ERBIN: variants seen among roughly 807,000 people sequenced by gnomAD.
ERBIN encodes erbb2 interacting protein, also known as densin-180-like protein.
In ERBIN, 60 loss-of-function variants were observed where a neutral mutation model predicts 158.4. That is an observed-to-expected ratio of 0.38 (90% CI 0.31 to 0.47). ERBIN has a LOEUF of 0.47. ERBIN is among the 20% of genes least tolerant of loss of function. ERBIN has a pLI of 0.99. For synonymous variants in ERBIN, 594 were observed against 557.2 expected, an observed-to-expected ratio of 1.07 and a Z score of -0.93; for missense variants, 1,610 against 1,648.0, an observed-to-expected ratio of 0.98 and a Z score of 0.40.
At chr5:66,017,491 C>T (rs1245140648) in intron 7 of ERBIN, among the ~76,000 whole-genome samples, 9 of 148,826 alleles carry the variant, frequency 6.0e-5, no homozygotes, top group Admixed American at 6.0e-4. Flanking sequence ...AATGTCTATT[C>T]AGATCTCTGG....
intron 1 of ERBIN, among the ~76,000 whole-genome samples, chr5:65,941,630 A>G (rs1745056945): frequency 6.6e-6 from 1 of 152,206 alleles, no homozygotes; most frequent in African/African-American, 2.4e-5. Flanking sequence ...TGTAATTTAC[A>G]TGTATGATAA....
At chr5:65,939,864 G>C (rs547680966) in intron 1 of ERBIN, among the ~76,000 whole-genome samples, 1,663 of 151,752 alleles carry the variant, frequency 0.011, 10 homozygotes, top group African/African-American at 0.037. Flanking sequence ...TGGTGCCCAG[G>C]CTGGAGTGCA....
chr5:65,979,230 C>T (rs1042779557), intron 1 of ERBIN, among the ~76,000 whole-genome samples: 2 of 152,064 alleles, frequency 1.3e-5, no homozygotes, highest in African/African-American at 4.8e-5. Flanking sequence ...AGTTCAAGAC[C>T]AGCCTGGGCA....
At chr5:65,963,345 C>T (rs1342521969) in intron 1 of ERBIN, among the ~76,000 whole-genome samples, 5 of 152,168 alleles carry the variant, frequency 3.3e-5, no homozygotes, top group Non-Finnish European at 5.9e-5. Flanking sequence ...CTCAAGTTAT[C>T]ACTCTGTCAA....
intron 1 of ERBIN, among the ~76,000 whole-genome samples, chr5:65,969,279 T>G (rs539337564): frequency 6.6e-6 from 1 of 152,330 alleles, no homozygotes; most frequent in African/African-American, 2.4e-5. Flanking sequence ...CAAGTTACTC[T>G]TATGTATCTT....
intron 4 of ERBIN, among the ~76,000 whole-genome samples, chr5:66,002,715 G>A (rs1753127263): frequency 6.6e-6 from 1 of 152,114 alleles, no homozygotes; most frequent in African/African-American, 2.4e-5. Flanking sequence ...TGATGACTGG[G>A]GACAAACTAG....
intron 1 of ERBIN, among the ~76,000 whole-genome samples, chr5:65,927,249 C>G (rs1268953023): frequency 6.6e-6 from 1 of 152,196 alleles, no homozygotes; most frequent in African/African-American, 2.4e-5. Context: ...TATACTCATA[C>G]CGATTATATT....
intron 4 of ERBIN, among the ~76,000 whole-genome samples, chr5:66,005,038 G>A (rs1378893657): frequency 1.3e-5 from 2 of 152,220 alleles, no homozygotes; most frequent in Admixed American, 1.3e-4. Context: ...GTTTTGAATA[G>A]ATAATTCAGA....
chr5:66,033,208 A>G (rs1757062618), intron 14 of ERBIN, among the ~76,000 whole-genome samples: 1 of 152,176 alleles, frequency 6.6e-6, no homozygotes, highest in Admixed American at 6.5e-5. Flanking sequence ...AAATATATTC[A>G]CTTTATTTTA....
intron 4 of ERBIN, among the ~76,000 whole-genome samples, chr5:65,998,894 CAAAAA>C (rs34966696): frequency 5.7e-5 from 4 of 69,902 alleles, no homozygotes; most frequent in African/African-American, 2.0e-4. Flanking sequence ...GACCCTGTCT[CAAAAA>C]AAAAAAAAAA....
At chr5:66,010,948 T>A (rs898183169) in intron 4 of ERBIN, among the ~76,000 whole-genome samples, 9 of 152,206 alleles carry the variant, frequency 5.9e-5, no homozygotes, top group Non-Finnish European at 2.9e-5. Flanking sequence ...TGCAGTTTGA[T>A]GTTATTCCAG....
At chr5:66,069,568 A>G (rs1012167698) in intron 21 of ERBIN, among the ~76,000 whole-genome samples, 1 of 152,216 alleles carries the variant, frequency 6.6e-6, no homozygotes, top group African/African-American at 2.4e-5. Flanking sequence ...TTTCCTTAGT[A>G]GTGAAGAAGA....
chr5:65,964,908 T>TGTGTGTGTGTGTG (rs1748367664), intron 1 of ERBIN, among the ~76,000 whole-genome samples: 1 of 107,260 alleles, frequency 9.3e-6, no homozygotes, highest in Admixed American at 1.1e-4. Flanking sequence ...CCTGGCTGAT[T>TGTGTGTGTGTGTG]TGTGTGTGTG....
At chr5:66,032,172 T>C (rs1262100912) in intron 14 of ERBIN, among the ~76,000 whole-genome samples, 7 of 151,492 alleles carry the variant, frequency 4.6e-5, no homozygotes, top group African/African-American at 7.4e-5. Context: ...AAAACGAGGC[T>C]ACTAAGGCAG....
chr5:66,037,193 A>G lies in ERBIN; in HGVS notation c.1207-1190A>G, dbSNP rs116361161. ...TATGGAAATGTCATATGTGTTTTGT[A>G]TATGTTGAATTACTCGTGACTTTGG... is the stretch of plus-strand genomic sequence containing the variant. On this transcript the variant is annotated intron_variant, in intron 14 of 25. Coordinates refer to ENST00000284037, the MANE Select transcript of ERBIN (RefSeq NM_001253697.2). 5.0e-3 allele frequency among the ~76,000 whole-genome samples: 754 copies of G among 152,202 alleles called. 2 individuals are homozygous for G. Among genetic ancestry groups the G allele is most frequent in the Non-Finnish European group, 8.4e-3 (570 of 68,006 alleles).
chr5:66,004,891 CAG>C (rs1753419057), intron 4 of ERBIN, among the ~76,000 whole-genome samples: 1 of 152,088 alleles, frequency 6.6e-6, no homozygotes, highest in African/African-American at 2.4e-5. Context: ...GTAACTAAAA[CAG>C]TGTGAGCAAG....
chr5:66,065,843 C>CT (rs1394081088), intron 21 of ERBIN, among the ~76,000 whole-genome samples: 1 of 152,088 alleles, frequency 6.6e-6, no homozygotes, highest in Non-Finnish European at 1.5e-5. Flanking sequence ...GGTGAAGCCA[C>CT]TGTTACTTCC....
intron 21 of ERBIN, among the ~76,000 whole-genome samples, chr5:66,065,641 GTGTGTGTGTGTGTGTGTGTT>G (rs1760909046): frequency 2.1e-5 from 2 of 94,910 alleles, no homozygotes; most frequent in African/African-American, 1.1e-4. Flanking sequence ...GTGTGTGTGT[GTGTGTGTGTGTGTGTGTGTT>G]TTGCTTTGTA....
Position 66,046,543 on chromosome 5 carries a change from G to A in ERBIN, c.1788+5G>A. 6.4e-7 allele frequency: 1 copy of A among 1,556,138 alleles called. No homozygotes were observed. Among genetic ancestry groups the A allele is most frequent in the Non-Finnish European group, 8.7e-7 (1 of 1,150,986 alleles). ...AACCATGATGATGTTTTTGAGGTAT[G>A]ATTTTATGATTATTCTGGAGCAACT... On this transcript the variant is annotated splice_donor_5th_base_variant and intron_variant, in intron 18 of 25. Coordinates refer to ENST00000284037, the MANE Select transcript of ERBIN (RefSeq NM_001253697.2).
Sources: gnomAD v4.1 joint callset for allele counts (sites outside exome capture counted in the v4.1 genomes callset) on GRCh38, gnomAD v4.1.1 for gene constraint, MANE v1.5 for transcripts, NCBI Gene and HGNC (gene_info 2026-07-23, HGNC 2026-07-21) for gene names.